Variants in CCDC178 observed in about 807,000 individuals in gnomAD.
CCDC178 encodes the protein coiled-coil domain-containing protein 178.
Under a neutral mutation model 117.4 loss-of-function variants are expected in CCDC178, and 126 were observed. The observed-to-expected ratio is 1.07, with a 90% CI of 0.93 to 1.24. The LOEUF (loss-of-function observed/expected upper bound fraction) is 1.24, where lower values mean the gene tolerates loss of function less well. Among genes scored for constraint, CCDC178 ranks in the 50% most tolerant of loss-of-function variants. The probability of loss-of-function intolerance (pLI) is 0.00; values close to 1 mark genes in which losing one functional copy is unlikely to be tolerated. For missense variants in CCDC178, 1,030 were observed against 986.9 expected (o/e 1.04, Z -0.59); for synonymous variants, 283 against 313.4 (o/e 0.90, Z 1.02).
intron 22 of CCDC178, among the ~76,000 whole-genome samples, chr18:32,958,940 C>T (rs1170164876): frequency 6.6e-6 from 1 of 152,148 alleles, no homozygotes; most frequent in Non-Finnish European, 1.5e-5. Context: ...AGATTCATCA[C>T]TTTCTGGTTA....
chr18:33,068,985 T>C (rs2057065758), intron 21 of CCDC178, among the ~76,000 whole-genome samples: 1 of 152,008 alleles, frequency 6.6e-6, no homozygotes, highest in Non-Finnish European at 1.5e-5. Context: ...GAATACAAAA[T>C]CAACATACAA....
At chr18:33,091,703 A>G (rs1398045416) in intron 21 of CCDC178, among the ~76,000 whole-genome samples, 1 of 152,140 alleles carries the variant, frequency 6.6e-6, no homozygotes, top group Non-Finnish European at 1.5e-5. Context: ...AACTCTCATG[A>G]GAGTAGACGG....
intron 21 of CCDC178, chr18:32,983,250 G>T (rs749047569): frequency 3.2e-6 from 4 of 1,233,352 alleles, no homozygotes; most frequent in Admixed American, 4.0e-5. Flanking sequence ...AAAGATGCAC[G>T]TGTATGCATG....
chr18:33,358,826 G>A (rs1209572241), intron 6 of CCDC178, among the ~76,000 whole-genome samples: 3 of 151,720 alleles, frequency 2.0e-5, no homozygotes, highest in Admixed American at 2.0e-4. Flanking sequence ...GAGAGAAAGT[G>A]TTTACAACAT....
chr18:33,374,939 G>A (rs2063344785), intron 5 of CCDC178, among the ~76,000 whole-genome samples: 1 of 152,168 alleles, frequency 6.6e-6, no homozygotes, highest in Non-Finnish European at 1.5e-5. Flanking sequence ...TCATACTGGA[G>A]TTGTGGGAGT....
chr18:33,392,931 G>A (rs2063581874), intron 4 of CCDC178, among the ~76,000 whole-genome samples: 1 of 152,206 alleles, frequency 6.6e-6, no homozygotes, highest in South Asian at 2.1e-4. Flanking sequence ...ATAGAACTGT[G>A]TTAAAATTAA....
At chr18:33,174,244 C>G (rs1042214227) in intron 20 of CCDC178, among the ~76,000 whole-genome samples, 1 of 152,120 alleles carries the variant, frequency 6.6e-6, no homozygotes, top group African/African-American at 2.4e-5. Flanking sequence ...AAGACAGCAC[C>G]AAGCCATAAG....
intron 21 of CCDC178, among the ~76,000 whole-genome samples, chr18:33,084,892 C>A (rs771969700): frequency 6.6e-6 from 1 of 151,926 alleles, no homozygotes. Context: ...CATGCCTGGT[C>A]TTATACATGT....
At chr18:33,279,973 A>C (rs2060000757) in intron 12 of CCDC178, among the ~76,000 whole-genome samples, 1 of 152,034 alleles carries the variant, frequency 6.6e-6, no homozygotes, top group Non-Finnish European at 1.5e-5. Flanking sequence ...AAAGACTTAA[A>C]TATTAGACCT....
intron 18 of CCDC178, among the ~76,000 whole-genome samples, chr18:33,215,988 C>G (rs910020097): frequency 2.0e-5 from 3 of 151,848 alleles, no homozygotes; most frequent in Non-Finnish European, 4.4e-5. Context: ...GTCCCAGCTA[C>G]TTGGGAGGCT....
At chr18:33,279,402 C>A (rs201227022) in intron 12 of CCDC178, among the ~76,000 whole-genome samples, 10,264 of 151,794 alleles carry the variant, frequency 0.068, 460 homozygotes, top group African/African-American at 0.14. Flanking sequence ...TTACAAGGGA[C>A]GTGAAGGACC....
intron 22 of CCDC178, chr18:32,957,787 G>A (rs2054624127): frequency 6.6e-6 from 1 of 152,616 alleles, no homozygotes; most frequent in Admixed American, 6.5e-5. Flanking sequence ...TATGCCTGCT[G>A]CCGAAGAGAG....
chr18:33,030,021 T>C (rs955001506), intron 21 of CCDC178, among the ~76,000 whole-genome samples: 12 of 152,080 alleles, frequency 7.9e-5, no homozygotes, highest in Non-Finnish European at 1.5e-4. Flanking sequence ...TTCTATCTCC[T>C]TGTTGATCTT....
chr18:33,026,885 T>C (rs1013100064), intron 21 of CCDC178, among the ~76,000 whole-genome samples: 3 of 151,982 alleles, frequency 2.0e-5, no homozygotes, highest in East Asian at 3.9e-4. Flanking sequence ...AGAGAACTCA[T>C]TGGAAAGAGA....
chr18:33,106,221 C>T (rs1369467815), intron 20 of CCDC178, among the ~76,000 whole-genome samples: 1 of 151,580 alleles, frequency 6.6e-6, no homozygotes, highest in Non-Finnish European at 1.5e-5. Flanking sequence ...AGTGCCCTTT[C>T]CTACACTTAT....
chr18:33,368,439 C>T (rs2063247918), intron 6 of CCDC178, among the ~76,000 whole-genome samples: 1 of 151,710 alleles, frequency 6.6e-6, no homozygotes, highest in South Asian at 2.1e-4. Context: ...TGGTGCTTCT[C>T]CTTTTTTGAG....
intron 21 of CCDC178, among the ~76,000 whole-genome samples, chr18:33,056,715 T>G (rs1335362877): frequency 6.6e-6 from 1 of 152,142 alleles, no homozygotes; most frequent in Non-Finnish European, 1.5e-5. Context: ...GAGTCAGGCA[T>G]AAGAGGTTAT....
At chr18:33,413,092 T>C (rs2063882493) in intron 2 of CCDC178, among the ~76,000 whole-genome samples, 1 of 152,168 alleles carries the variant, frequency 6.6e-6, no homozygotes, top group Non-Finnish European at 1.5e-5. Context: ...AACACAGAAA[T>C]AACAATTGTC....
chr18:33,374,187 A>C (rs1178802593), intron 5 of CCDC178, among the ~76,000 whole-genome samples: 1 of 152,186 alleles, frequency 6.6e-6, no homozygotes, highest in Non-Finnish European at 1.5e-5. Flanking sequence ...TCAAGAAGAC[A>C]GAGCAATGCA....
Sources: allele counts gnomAD v4.1 joint callset (sites outside exome capture counted in the v4.1 genomes callset), GRCh38; gene constraint gnomAD v4.1.1; transcripts MANE v1.5; gene names NCBI Gene and HGNC (gene_info 2026-07-23, HGNC 2026-07-21).